ZER1: variants seen among roughly 807,000 people sequenced by gnomAD.
ZER1 encodes the protein zyg-11 related cell cycle regulator, also known as protein zer-1 homolog.
A neutral mutation model predicts 78.8 loss-of-function variants in ZER1; 11 were observed. The ratio of observed to expected loss-of-function variants is 0.14; its 90% CI spans 0.09 to 0.23. ZER1 has a LOEUF of 0.23. Ranked by LOEUF, ZER1 falls within the 10% of genes least tolerant of loss-of-function variation. ZER1 has a pLI of 1.00. For synonymous variants in ZER1, 400 were observed against 407.0 expected (o/e 0.98, Z 0.21); for missense variants, 588 against 996.9 (o/e 0.59, Z 5.52).
intron 8 of ZER1, among the ~76,000 whole-genome samples, chr9:128,744,214 G>T (rs1054832101): frequency 6.6e-6 from 1 of 151,582 alleles, no homozygotes; most frequent in Non-Finnish European, 1.5e-5. Context: ...TTGAGATGGA[G>T]TCTCGCTCTG....
rs372386092 is a variant in ZER1, at chr9:128,768,313, G to A, written c.-95+3268C>T. Among the ~76,000 whole-genome samples the A allele has an allele frequency of 3.3e-5, 5 of 152,238 alleles. No individual in the cohort carries two copies. In the South Asian group the frequency reaches 8.3e-4, roughly 25 times the overall value. On this transcript the variant is annotated intron_variant, in intron 1 of 15. Coordinates refer to ENST00000291900, the MANE Select transcript of ZER1 (RefSeq NM_006336.4). ...CTTCCAGCTAGTGGGCCCCCAAAAC[G>A]TGTCTGCATAATCCTAGTGGTACTA...
At position 128,753,983 on chromosome 9, in the gene ZER1, C is replaced by T; in HGVS notation, c.159-24G>A. 1 of 1,569,942 alleles carries T rather than the reference C, an allele frequency of 6.4e-7. No individual in the cohort carries two copies. The highest frequency in any genetic ancestry group is 8.6e-7 in the Non-Finnish European group (1 of 1,157,758). The stretch of plus-strand genomic sequence containing the variant: ...ACCTGGGAGAGAAAAAAGCCTGGCT[C>T]AGGAGAGGGCCACAGGGACTCTCAT... On this transcript the variant is annotated intron_variant, in intron 2 of 15. Coordinates refer to ENST00000291900, the MANE Select transcript of ZER1 (RefSeq NM_006336.4). The surrounding 1 kb of genome is among the most constrained non-coding windows in gnomAD (Gnocchi z 7.5).
intron 1 of ZER1, among the ~76,000 whole-genome samples, chr9:128,764,255 C>T (rs984067344): frequency 3.9e-5 from 6 of 152,184 alleles, no homozygotes; most frequent in African/African-American, 1.2e-4. Flanking sequence ...ACAAAGTACT[C>T]GCCATCAGAG....
chr9:128,753,625 T>C lies in ZER1; in HGVS notation c.310-25A>G, dbSNP rs754658749. On this transcript the variant is annotated intron_variant, in intron 3 of 15. Transcript: ENST00000291900. The surrounding 1 kb of genome is among the most constrained non-coding windows in gnomAD (Gnocchi z 7.5). Reference sequence around the variant, plus strand: ...CCTGGGAGTGGGCACAGCTCCATCATCATCACCACCCTTGCCCCTTCCCCC... The same window carrying C: ...CCTGGGAGTGGGCACAGCTCCATCACCATCACCACCCTTGCCCCTTCCCCC... 1.2e-6 allele frequency: 2 copies of C among 1,608,048 alleles called. No homozygotes were observed. The highest frequency in any genetic ancestry group is 2.2e-5 in the South Asian group (2 of 90,916).
At chr9:128,768,441 G>A (rs980766720) in intron 1 of ZER1, among the ~76,000 whole-genome samples, 2 of 152,132 alleles carry the variant, frequency 1.3e-5, no homozygotes, top group Non-Finnish European at 2.9e-5. Flanking sequence ...CGGAGGCAAG[G>A]GAAGGCCATT....
chr9:128,754,073 C>T lies in ZER1; in HGVS notation c.159-114G>A. 1.5e-6 allele frequency: 2 copies of T among 1,312,130 alleles called. No homozygotes were observed. The highest frequency in any genetic ancestry group is 5.1e-5 in the East Asian group (2 of 39,404). The allele number at this position is 1,312,130 out of a possible 1,614,324, so 81.3% of individuals were successfully genotyped here. ...CTTGGATCACCCCAAGTAGCAACCTCCTTCTCCTAAGAGTATCTGGTCAGA... is the reference window on the plus strand; with the variant it reads ...CTTGGATCACCCCAAGTAGCAACCTTCTTCTCCTAAGAGTATCTGGTCAGA... On this transcript the variant is annotated intron_variant, in intron 2 of 15. Transcript: ENST00000291900. The surrounding 1 kb of genome is among the most constrained non-coding windows in gnomAD (Gnocchi z 4.3).
intron 1 of ZER1, among the ~76,000 whole-genome samples, chr9:128,759,016 T>C (rs533079113): frequency 1.3e-5 from 2 of 151,566 alleles, no homozygotes; most frequent in South Asian, 4.2e-4. Flanking sequence ...TTTTTTTTTT[T>C]AGACTGAGTC....
intron 1 of ZER1, among the ~76,000 whole-genome samples, chr9:128,770,619 T>C (rs1280278875): frequency 6.6e-6 from 1 of 152,162 alleles, no homozygotes; most frequent in Non-Finnish European, 1.5e-5. Flanking sequence ...TTCTCTATTT[T>C]TCTCCAAACC....
At chr9:128,742,002 A>G (rs1863316347) in intron 9 of ZER1, among the ~76,000 whole-genome samples, 161 bp from the exon 10 acceptor site, 2 of 152,192 alleles carry the variant, frequency 1.3e-5, no homozygotes, top group African/African-American at 4.8e-5. Context: ...GAAGGCATCC[A>G]CGCCTCAGCC....
rs1243828536 is a variant in ZER1, at chr9:128,753,999, G to T, written c.159-40C>A. 4 of 1,558,432 alleles carry T rather than the reference G, an allele frequency of 2.6e-6. No individual in the cohort carries two copies. The highest frequency in any genetic ancestry group is 3.8e-5 in the Admixed American group (2 of 52,006). On this transcript the variant is annotated intron_variant, in intron 2 of 15. Coordinates refer to ENST00000291900, the MANE Select transcript of ZER1 (RefSeq NM_006336.4). This position sits in a 1 kb window ranked among gnomAD's most constrained non-coding sequence, Gnocchi z 7.5. ...AGCCTGGCTCAGGAGAGGGCCACAG[G>T]GACTCTCATCCTCGCTTCAAAGCCA... is the stretch of plus-strand genomic sequence containing the variant.
intron 1 of ZER1, among the ~76,000 whole-genome samples, chr9:128,768,592 C>T (rs1864287467): frequency 6.6e-6 from 1 of 152,192 alleles, no homozygotes; most frequent in Non-Finnish European, 1.5e-5. Flanking sequence ...CAACAGCCTA[C>T]CCCAACATGC....
In ZER1 at chr9:128,731,473, G is replaced by T. The variant is rs892997261; in HGVS notation, c.2244-79C>A. On this transcript the variant is annotated intron_variant, in intron 15 of 15. Coordinates refer to ENST00000291900, the MANE Select transcript of ZER1 (RefSeq NM_006336.4). ...CCAGCCCCTCCGAGATCATTAGGCA[G>T]CTGGGTAAACACGTGTTCATAGTGA... is the stretch of plus-strand genomic sequence containing the variant. The T allele has an allele frequency of 3.5e-5, 43 of 1,239,236 alleles. 1 individual carries two copies. The highest frequency in any genetic ancestry group is 5.0e-5 in the Non-Finnish European group (43 of 861,670). 76.8% of individuals were successfully genotyped at this position (1,239,236 alleles called of 1,614,324 possible). A position where few individuals can be genotyped will look rare whatever the true frequency, so the allele number is the denominator to read the frequency against.
intron 1 of ZER1, among the ~76,000 whole-genome samples, chr9:128,759,330 C>G (rs575848956): frequency 4.5e-4 from 68 of 150,226 alleles, no homozygotes; most frequent in Middle Eastern, 3.4e-3. Context: ...GCCACCACAC[C>G]CAGCTAATTT....
In ZER1 at chr9:128,730,555, C is replaced by A. The variant is rs1007632609; in HGVS notation, c.*782G>T. Reference sequence around the variant, plus strand: ...TTCTGGATGTGTTTGGCAGAAGGGGCAGTGGAATCTGCCCCTGAGTTCTGA... The same window carrying A: ...TTCTGGATGTGTTTGGCAGAAGGGGAAGTGGAATCTGCCCCTGAGTTCTGA... On this transcript the variant is annotated 3_prime_UTR_variant, in exon 16 of 16. Transcript: ENST00000291900. The A allele has an allele frequency of 2.6e-5, 4 of 152,856 alleles. No individual in the cohort carries two copies. Among genetic ancestry groups the A allele is most frequent in the African/African-American group, 9.6e-5 (4 of 41,464 alleles). 9.5% of individuals were successfully genotyped at this position (152,856 alleles called of 1,614,324 possible). A position where few individuals can be genotyped will look rare whatever the true frequency, so the allele number is the denominator to read the frequency against.
rs187840788 is a variant in ZER1 at position 128,732,923 on chromosome 9, G to A, written c.2243+503C>T. 2.2e-4 allele frequency: 34 copies of A among 158,030 alleles called. 1 individual carries two copies. The highest frequency in any genetic ancestry group is 1.6e-3 in the Admixed American group (27 of 16,478). 9.8% of individuals were successfully genotyped at this position (158,030 alleles called of 1,614,324 possible). Reference sequence around the variant, plus strand: ...GAGTCTCTCGTGTCCTGATCAACTCGAGAACTGGAGGCGGTGACATTTTAG... The same window carrying A: ...GAGTCTCTCGTGTCCTGATCAACTCAAGAACTGGAGGCGGTGACATTTTAG... On this transcript the variant is annotated intron_variant, in intron 15 of 15. Coordinates refer to ENST00000291900, the MANE Select transcript of ZER1 (RefSeq NM_006336.4). This position sits in a 1 kb window ranked among gnomAD's most constrained non-coding sequence, Gnocchi z 4.8.
At chr9:128,752,417 C>T (rs541795787) in intron 5 of ZER1, among the ~76,000 whole-genome samples, 14 of 152,238 alleles carry the variant, frequency 9.2e-5, no homozygotes, top group Middle Eastern at 6.8e-3. Context: ...CTCCGCCTCC[C>T]GGCTTCAATT....
rs958816294 is a variant in ZER1 at position 128,771,502 on chromosome 9, G to C, written c.-95+79C>G. 7 of 152,614 alleles carry C rather than the reference G, an allele frequency of 4.6e-5. 1 individual carries two copies. The East Asian group carries it at 1.2e-3, about 25-fold the overall frequency. 9.5% of individuals were successfully genotyped at this position (152,614 alleles called of 1,614,324 possible). A position where few individuals can be genotyped will look rare whatever the true frequency, so the allele number is the denominator to read the frequency against. On this transcript the variant is annotated intron_variant, in intron 1 of 15. Transcript: ENST00000291900. The stretch of plus-strand genomic sequence containing the variant: ...ATGGACCTCAGAGAGTGGTTGCAGC[G>C]GCGATGCTTAGGCCCCGTAGGCAGG...
rs1351144295 is a variant in ZER1 at position 128,731,236 on chromosome 9, G to A, written c.*101C>T. The A allele has an allele frequency of 8.4e-5, 94 of 1,125,356 alleles. No individual in the cohort carries two copies. The highest frequency in any genetic ancestry group is 2.5e-5 in the East Asian group (1 of 40,478). 69.7% of individuals were successfully genotyped at this position (1,125,356 alleles called of 1,614,324 possible). A position where few individuals can be genotyped will look rare whatever the true frequency, so the allele number is the denominator to read the frequency against. On this transcript the variant is annotated 3_prime_UTR_variant, in exon 16 of 16. Coordinates refer to ENST00000291900, the MANE Select transcript of ZER1 (RefSeq NM_006336.4). ...AAAGTCCCCCATGTCTCTTCACTCC[G>A]TGGGAGGCTCCCTCGGAAGGGGCCC...
chr9:128,768,848 A>C (rs1864295558), intron 1 of ZER1, among the ~76,000 whole-genome samples: 1 of 152,128 alleles, frequency 6.6e-6, no homozygotes, highest in Admixed American at 6.6e-5. Context: ...TAGGCCCAGC[A>C]TACACTGCCC....
Sources: allele counts gnomAD v4.1 joint callset (sites outside exome capture counted in the v4.1 genomes callset), GRCh38; gene constraint gnomAD v4.1.1; non-coding constraint Gnocchi (gnomAD v3.1); transcripts MANE v1.5; gene names NCBI Gene and HGNC (gene_info 2026-07-23, HGNC 2026-07-21).